Variants in KCNIP4 observed in about 807,000 individuals in gnomAD.
KCNIP4 encodes potassium voltage-gated channel interacting protein 4.
Under a neutral mutation model 34.0 loss-of-function variants are expected in KCNIP4, and 12 were observed. That is an observed-to-expected ratio of 0.35 (90% CI 0.23 to 0.57). The LOEUF (loss-of-function observed/expected upper bound fraction) is 0.57, where lower values mean the gene tolerates loss of function less well. Among genes scored for constraint, KCNIP4 ranks in the 20% least tolerant of loss-of-function variants. KCNIP4 has a pLI of 0.83. For missense variants in KCNIP4, 238 were observed against 311.7 expected (o/e 0.76, Z 1.78); for synonymous variants, 124 against 102.2 (o/e 1.21, Z -1.29).
intron 1 of KCNIP4, among the ~76,000 whole-genome samples, chr4:21,650,520 C>T (rs1054908367): frequency 6.6e-6 from 1 of 152,130 alleles, no homozygotes; most frequent in Non-Finnish European, 1.5e-5. Context: ...CTAGTACTCT[C>T]TAAATAACCT....
Position 20,984,309 on chromosome 4 carries a change from G to A in KCNIP4, c.62-101600C>T, listed in dbSNP as rs184985845. Among the ~76,000 whole-genome samples, 32 of 152,346 alleles carry A rather than the reference G, an allele frequency of 2.1e-4. No homozygotes were observed. The South Asian group carries it at 2.9e-3, about 14-fold the overall frequency. ...ACACTCCTAGGAAACTTGCCCGGGA[G>A]AACACCGCGCGCTTCCCTCGCTGAG... On this transcript the variant is annotated intron_variant, in intron 1 of 8. Transcript: ENST00000382152.
intron 1 of KCNIP4, among the ~76,000 whole-genome samples, chr4:21,607,191 CTA>C (rs1446403154): frequency 6.6e-6 from 1 of 150,734 alleles, no homozygotes. Flanking sequence ...CACATACTAA[CTA>C]TGCAACTCTG....
At position 20,854,091 on chromosome 4, in the gene KCNIP4, A is replaced by C. The variant is rs186776896; in HGVS notation, c.164-3424T>G. On this transcript the variant is annotated intron_variant, in intron 2 of 8. Coordinates refer to ENST00000382152, the MANE Select transcript of KCNIP4 (RefSeq NM_025221.6). ...ATGGAAAACAATGTGGAGATTCCTT[A>C]AAGAACTAAAAGTAGAACTACCATT... Among the ~76,000 whole-genome samples, 131 of 152,308 alleles carry C rather than the reference A, an allele frequency of 8.6e-4. 1 individual carries two copies. The highest frequency in any genetic ancestry group is 3.0e-3 in the African/African-American group (124 of 41,572).
intron 1 of KCNIP4, among the ~76,000 whole-genome samples, chr4:21,864,058 T>C (rs1373044525): frequency 6.6e-6 from 1 of 152,238 alleles, no homozygotes; most frequent in Non-Finnish European, 1.5e-5. Flanking sequence ...CTCTGATGAA[T>C]AGTGACTTTG....
At chr4:21,909,722 GT>G (rs1361090108) in intron 1 of KCNIP4, among the ~76,000 whole-genome samples, 1 of 152,062 alleles carries the variant, frequency 6.6e-6, no homozygotes, top group Non-Finnish European at 1.5e-5. Context: ...AGAAAAAGAG[GT>G]TTAATGAATT....
chr4:21,506,222 A>G (rs893167506), intron 1 of KCNIP4, among the ~76,000 whole-genome samples: 1 of 152,066 alleles, frequency 6.6e-6, no homozygotes, highest in Non-Finnish European at 1.5e-5. Flanking sequence ...TTTTCTTTTC[A>G]GTAGGAGGAT....
intron 3 of KCNIP4, among the ~76,000 whole-genome samples, chr4:20,843,843 T>A (rs750086577): frequency 1.3e-5 from 2 of 152,256 alleles, no homozygotes; most frequent in African/African-American, 4.8e-5. Context: ...TTTTTGCCAT[T>A]GAAAGTAATG....
At chr4:21,942,835 G>A (rs1730279440) in intron 1 of KCNIP4, among the ~76,000 whole-genome samples, 1 of 152,188 alleles carries the variant, frequency 6.6e-6, no homozygotes. Flanking sequence ...TAGGCTCACT[G>A]CAACCTCTGC....
chr4:21,305,649 G>A (rs184530654), intron 1 of KCNIP4, among the ~76,000 whole-genome samples: 80 of 152,226 alleles, frequency 5.3e-4, no homozygotes, highest in African/African-American at 1.3e-3. Flanking sequence ...TCCGTGATCC[G>A]GTACCTCCTT....
intron 1 of KCNIP4, among the ~76,000 whole-genome samples, chr4:21,640,386 C>T (rs1238564459): frequency 6.6e-6 from 1 of 152,140 alleles, no homozygotes; most frequent in Non-Finnish European, 1.5e-5. Flanking sequence ...CAGGGGTGCC[C>T]CTCATAAACT....
intron 3 of KCNIP4, among the ~76,000 whole-genome samples, chr4:20,779,587 C>CCA (rs1245241913): frequency 0.07 from 8,884 of 127,410 alleles, 550 homozygotes; most frequent in Non-Finnish European, 0.096. Context: ...CCCCCCCCCC[C>CCA]CACACAAAAA....
intron 1 of KCNIP4, among the ~76,000 whole-genome samples, chr4:20,982,935 C>G (rs1736217932): frequency 6.6e-6 from 1 of 152,164 alleles, no homozygotes; most frequent in Non-Finnish European, 1.5e-5. Flanking sequence ...GGACGTCATT[C>G]TTTCACTTAG....
At chr4:21,551,749 T>C (rs757189940) in intron 1 of KCNIP4, among the ~76,000 whole-genome samples, 7 of 152,068 alleles carry the variant, frequency 4.6e-5, no homozygotes, top group Non-Finnish European at 8.8e-5. Context: ...AGACCTTAGT[T>C]CCTTTTCCTA....
At chr4:20,845,884 G>T (rs1720306811) in intron 3 of KCNIP4, among the ~76,000 whole-genome samples, 1 of 152,242 alleles carries the variant, frequency 6.6e-6, no homozygotes, top group South Asian at 2.1e-4. Flanking sequence ...GATCCAGAAA[G>T]AAATGCAGCC....
At chr4:21,344,355 A>T (rs1717074842) in intron 1 of KCNIP4, among the ~76,000 whole-genome samples, 1 of 152,168 alleles carries the variant, frequency 6.6e-6, no homozygotes. Context: ...TCAGAGGATG[A>T]GGAGTGAAAT....
At chr4:21,062,883 T>C (rs1560687953) in intron 1 of KCNIP4, among the ~76,000 whole-genome samples, 1 of 152,158 alleles carries the variant, frequency 6.6e-6, no homozygotes, top group Non-Finnish European at 1.5e-5. Flanking sequence ...ATTAGGAGGA[T>C]GATCTGTTTT....
At chr4:21,005,079 A>G (rs1738443575) in intron 1 of KCNIP4, among the ~76,000 whole-genome samples, 1 of 152,220 alleles carries the variant, frequency 6.6e-6, no homozygotes, top group African/African-American at 2.4e-5. Context: ...ACCTTTTCAT[A>G]TAAAATATTG....
rs571632022 is a variant in KCNIP4, at chr4:21,519,487, CAT to C, written c.61+429082_61+429083del. ...GTGTGTATGTGTATGTGTATATACACATATGTGTGTATGTGTATGTGTATATA... is the reference window on the plus strand; with the variant it reads ...GTGTGTATGTGTATGTGTATATACACATGTGTGTATGTGTATGTGTATATA... On this transcript the variant is annotated intron_variant, in intron 1 of 8. Transcript: ENST00000382152. Among the ~76,000 whole-genome samples the C allele has an allele frequency of 4.0e-4, 34 of 85,772 alleles. 11 individuals are homozygous for C. Among genetic ancestry groups the C allele is most frequent in the South Asian group, 2.4e-3 (6 of 2,526 alleles). The allele number at this position is 85,772 out of a possible 152,430, so 56.3% of individuals were successfully genotyped here. A position where few individuals can be genotyped will look rare whatever the true frequency, so the allele number is the denominator to read the frequency against.
At chr4:20,800,101 A>G (rs921651226) in intron 3 of KCNIP4, among the ~76,000 whole-genome samples, 10 of 152,224 alleles carry the variant, frequency 6.6e-5, no homozygotes, top group Admixed American at 6.5e-4. Context: ...CCATAATAAC[A>G]TACATAGCCA....
Sources: allele counts gnomAD v4.1 joint callset (sites outside exome capture counted in the v4.1 genomes callset), GRCh38; gene constraint gnomAD v4.1.1; transcripts MANE v1.5; gene names NCBI Gene and HGNC (gene_info 2026-07-23, HGNC 2026-07-21).